Variants in C3orf70 observed in about 807,000 individuals in gnomAD.
The protein encoded by C3orf70 is chromosome 3 open reading frame 70, also known as UPF0524 protein C3orf70.
In C3orf70, 15 loss-of-function variants were observed where a neutral mutation model predicts 20.7. The ratio of observed to expected loss-of-function variants is 0.72; its 90% CI spans 0.48 to 1.11. The LOEUF is 1.11. C3orf70 is among the 50% of genes most tolerant of loss of function. C3orf70 has a pLI of 0.00. For synonymous variants in C3orf70, 161 were observed against 125.7 expected (o/e 1.28, Z -1.88); for missense variants, 332 against 317.6 (o/e 1.05, Z -0.34).
chr3:185,089,436 A>G (rs1333859721), intron 1 of C3orf70, among the ~76,000 whole-genome samples: 1 of 152,160 alleles, frequency 6.6e-6, no homozygotes, highest in Non-Finnish European at 1.5e-5. Context: ...AGTAGAAGAC[A>G]TTACTCGTTT....
At chr3:185,149,907 T>G (rs1220899331) in intron 1 of C3orf70, among the ~76,000 whole-genome samples, 2 of 152,196 alleles carry the variant, frequency 1.3e-5, no homozygotes, top group African/African-American at 4.8e-5. Context: ...TCAATCCTTT[T>G]CTAAATTCAG....
At chr3:185,107,067 A>G (rs986900188) in intron 1 of C3orf70, among the ~76,000 whole-genome samples, 1 of 152,196 alleles carries the variant, frequency 6.6e-6, no homozygotes, top group Non-Finnish European at 1.5e-5. Flanking sequence ...TCAAATTACT[A>G]ATAAACACCC....
intron 1 of C3orf70, among the ~76,000 whole-genome samples, chr3:185,136,312 G>A (rs1716619738): frequency 6.6e-6 from 1 of 152,216 alleles, no homozygotes; most frequent in South Asian, 2.1e-4. Context: ...ATCTGGCCAG[G>A]CATGGTGGCT....
rs1341856933 is a variant in C3orf70 at position 185,077,977 on chromosome 3, A to G, written c.*5030T>C. ...TCCTAGCACGTAGGAAAGACCTGAT[A>G]TATAAATGTTTCACACTTTGCAAAC... is the stretch of plus-strand genomic sequence containing the variant. On this transcript the variant is annotated 3_prime_UTR_variant, in exon 2 of 2. Coordinates refer to ENST00000335012, the MANE Select transcript of C3orf70 (RefSeq NM_001025266.3). 2 of 152,442 alleles carry G rather than the reference A, an allele frequency of 1.3e-5. No homozygotes were observed. The highest frequency in any genetic ancestry group is 2.9e-5 in the Non-Finnish European group (2 of 68,028). The allele number at this position is 152,442 out of a possible 1,614,324, so 9.4% of individuals were successfully genotyped here.
intron 1 of C3orf70, among the ~76,000 whole-genome samples, chr3:185,129,385 G>A (rs945967051): frequency 6.6e-6 from 1 of 152,198 alleles, no homozygotes; most frequent in Non-Finnish European, 1.5e-5. Flanking sequence ...CTACATGCAT[G>A]TTGCTGAAGA....
At chr3:185,132,286 T>C (rs1283862018) in intron 1 of C3orf70, among the ~76,000 whole-genome samples, 2 of 152,092 alleles carry the variant, frequency 1.3e-5, no homozygotes, top group Non-Finnish European at 2.9e-5. Context: ...AAACAGAACA[T>C]AAAACAAGTA....
intron 1 of C3orf70, among the ~76,000 whole-genome samples, chr3:185,084,832 G>A (rs13063734): frequency 0.077 from 11,687 of 152,270 alleles, 648 homozygotes; most frequent in South Asian, 0.13. Flanking sequence ...GCTAAAGCAG[G>A]GATGGGGGCT....
At chr3:185,099,931 C>G (rs898940583) in intron 1 of C3orf70, among the ~76,000 whole-genome samples, 3 of 152,030 alleles carry the variant, frequency 2.0e-5, no homozygotes, top group African/African-American at 4.8e-5. Flanking sequence ...CATAAAACAC[C>G]CTTTCAACCA....
At chr3:185,110,433 T>C (rs1716047127) in intron 1 of C3orf70, among the ~76,000 whole-genome samples, 1 of 152,202 alleles carries the variant, frequency 6.6e-6, no homozygotes, top group Non-Finnish European at 1.5e-5. Flanking sequence ...TTGTTTGTCT[T>C]TGTATAGTCT....
chr3:185,132,602 A>G (rs1214191409), intron 1 of C3orf70, among the ~76,000 whole-genome samples: 2 of 152,148 alleles, frequency 1.3e-5, no homozygotes. Flanking sequence ...AACAGACAAT[A>G]TAAAATAAAG....
At position 185,077,114 on chromosome 3, in the gene C3orf70, A is replaced by T. The variant is rs1270578054; in HGVS notation, c.*5893T>A. Among the ~76,000 whole-genome samples the T allele has an allele frequency of 6.6e-6, 1 of 151,726 alleles. No homozygotes were observed. The highest frequency in any genetic ancestry group is 2.4e-5 in the African/African-American group (1 of 41,094). ...TCAGAGCATAGAGATATTTGCAGAG[A>T]CATGGTATAGGGTGCGGGGTGGGGG... On this transcript the variant is annotated 3_prime_UTR_variant, in exon 2 of 2. Transcript: ENST00000335012.
chr3:185,141,213 C>CA (rs1349131022), intron 1 of C3orf70, among the ~76,000 whole-genome samples: 1 of 152,066 alleles, frequency 6.6e-6, no homozygotes, highest in African/African-American at 2.4e-5. Context: ...CTCACTAAGA[C>CA]AAAAGCTATC....
At chr3:185,099,365 T>C (rs1322629773) in intron 1 of C3orf70, among the ~76,000 whole-genome samples, 1 of 152,222 alleles carries the variant, frequency 6.6e-6, no homozygotes, top group Non-Finnish European at 1.5e-5. Flanking sequence ...TCAGACTAAC[T>C]GTGGACTTCT....
chr3:185,094,081 T>G (rs1379510745), intron 1 of C3orf70, among the ~76,000 whole-genome samples: 1 of 141,166 alleles, frequency 7.1e-6, no homozygotes, highest in South Asian at 2.4e-4. Flanking sequence ...GGGGTTTTTT[T>G]TTTTTTTTTT....
intron 1 of C3orf70, among the ~76,000 whole-genome samples, chr3:185,139,216 G>T (rs1193940831): frequency 6.6e-6 from 1 of 151,368 alleles, no homozygotes; most frequent in Non-Finnish European, 1.5e-5. Flanking sequence ...GGAAGAAGGG[G>T]CAAGAAAGAA....
intron 1 of C3orf70, among the ~76,000 whole-genome samples, chr3:185,114,058 C>T (rs2108596819): frequency 6.6e-6 from 1 of 152,074 alleles, no homozygotes; most frequent in African/African-American, 2.4e-5. Flanking sequence ...AATTAGCCGG[C>T]CATGGTGGCA....
At chr3:185,094,086 T>TTG (rs563093579) in intron 1 of C3orf70, among the ~76,000 whole-genome samples, 7 of 143,804 alleles carry the variant, frequency 4.9e-5, no homozygotes, top group Admixed American at 2.8e-4. Flanking sequence ...TTTTTTTTTT[T>TTG]TTTTTTTTTT....
chr3:185,079,291 A>AAAAAATAAAATAAT lies in C3orf70; in HGVS notation c.*3715_*3716insATTATTTTATTTTT, dbSNP rs1298221696. Reference sequence around the variant, plus strand: ...GCGAGACTCTGTCTCAAAAAAAAAAAAAAAAAAAAAAAAGTAAAGCCACCA... The same window carrying AAAAAATAAAATAAT: ...GCGAGACTCTGTCTCAAAAAAAAAAAAAAAATAAAATAATAAAAAAAAAAAAAGTAAAGCCACCA... On this transcript the variant is annotated 3_prime_UTR_variant, in exon 2 of 2. Coordinates refer to ENST00000335012, the MANE Select transcript of C3orf70 (RefSeq NM_001025266.3). The AAAAAATAAAATAAT allele has an allele frequency of 5.3e-5, 8 of 150,688 alleles. 1 individual carries two copies. The highest frequency in any genetic ancestry group is 1.9e-4 in the African/African-American group (8 of 41,218). 9.3% of individuals were successfully genotyped at this position (150,688 alleles called of 1,614,324 possible). A position where few individuals can be genotyped will look rare whatever the true frequency, so the allele number is the denominator to read the frequency against.
intron 1 of C3orf70, among the ~76,000 whole-genome samples, chr3:185,091,958 TA>T (rs1715597791): frequency 1.1e-3 from 6 of 5,650 alleles, no homozygotes; most frequent in Admixed American, 4.7e-3. Flanking sequence ...TATATATATA[TA>T]TATATTTTTT....
Sources: allele counts gnomAD v4.1 joint callset (sites outside exome capture counted in the v4.1 genomes callset), GRCh38; gene constraint gnomAD v4.1.1; transcripts MANE v1.5; gene names NCBI Gene and HGNC (gene_info 2026-07-23, HGNC 2026-07-21).